FHIT: variants seen among roughly 807,000 people sequenced by gnomAD.
FHIT encodes bis(5'-adenosyl)-triphosphatase.
Under a neutral mutation model 17.9 loss-of-function variants are expected in FHIT, and 19 were observed. The ratio of observed to expected loss-of-function variants is 1.06; its 90% CI spans 0.74 to 1.56. FHIT has a LOEUF of 1.56. Ranked by LOEUF, FHIT falls within the 40% of genes most tolerant of loss-of-function variation. The probability of loss-of-function intolerance (pLI) is 0.00; values close to 1 mark genes in which losing one functional copy is unlikely to be tolerated. For synonymous variants in FHIT, 81 were observed against 69.7 expected, an observed-to-expected ratio of 1.16 and a Z score of -0.81; for missense variants, 248 against 189.2, an observed-to-expected ratio of 1.31 and a Z score of -1.82.
At chr3:59,906,645 C>T (rs1203936362) in intron 8 of FHIT, among the ~76,000 whole-genome samples, 1 of 152,144 alleles carries the variant, frequency 6.6e-6, no homozygotes, top group African/African-American at 2.4e-5. Context: ...CTATTGTTTT[C>T]GTATCTGATT....
intron 5 of FHIT, among the ~76,000 whole-genome samples, chr3:60,425,556 A>C (rs887210090): frequency 1.3e-5 from 2 of 152,092 alleles, no homozygotes; most frequent in Non-Finnish European, 2.9e-5. Context: ...GAAAATGAAG[A>C]TTTTAACACA....
Position 60,430,119 on chromosome 3 carries a change from G to A in FHIT, c.103+106741C>T, listed in dbSNP as rs1251241471. Among the ~76,000 whole-genome samples, 6 of 152,060 alleles carry A rather than the reference G, an allele frequency of 3.9e-5. No homozygotes were observed. The South Asian group carries it at 6.2e-4, about 16-fold the overall frequency. On this transcript the variant is annotated intron_variant, in intron 5 of 9. Coordinates refer to ENST00000492590, the MANE Select transcript of FHIT (RefSeq NM_002012.4). Reference sequence around the variant, plus strand: ...AAAATGAGACATATGGGGCAGAGCCGTCTTCTGACCTGCAGATTTGCAGTA... The same window carrying A: ...AAAATGAGACATATGGGGCAGAGCCATCTTCTGACCTGCAGATTTGCAGTA...
At chr3:60,400,453 C>G (rs1436559597) in intron 5 of FHIT, among the ~76,000 whole-genome samples, 5 of 152,124 alleles carry the variant, frequency 3.3e-5, no homozygotes, top group Admixed American at 1.3e-4. Context: ...TAATTACCCT[C>G]TTATCTCTAT....
intron 3 of FHIT, among the ~76,000 whole-genome samples, chr3:60,882,866 G>A (rs1559798851): frequency 6.6e-6 from 1 of 152,080 alleles, no homozygotes; most frequent in East Asian, 1.9e-4. Context: ...CCTAGCCAGA[G>A]CAATTAGGCA....
intron 1 of FHIT, among the ~76,000 whole-genome samples, chr3:61,215,690 A>G (rs938278030): frequency 6.6e-6 from 1 of 152,234 alleles, no homozygotes; most frequent in Non-Finnish European, 1.5e-5. Context: ...TCACCAAGTC[A>G]ATCCTAAGCC....
intron 5 of FHIT, among the ~76,000 whole-genome samples, chr3:60,254,511 A>G (rs916206072): frequency 6.6e-6 from 1 of 152,194 alleles, no homozygotes; most frequent in African/African-American, 2.4e-5. Flanking sequence ...AAAAAAATAC[A>G]TAATATAACT....
intron 8 of FHIT, among the ~76,000 whole-genome samples, chr3:59,885,347 C>T (rs1313708999): frequency 1.3e-5 from 2 of 151,922 alleles, no homozygotes; most frequent in African/African-American, 4.8e-5. Flanking sequence ...GTCCTCTCCA[C>T]TGAAGATAGT....
chr3:60,584,231 G>C (rs1327160300), intron 4 of FHIT, among the ~76,000 whole-genome samples: 11 of 152,036 alleles, frequency 7.2e-5, no homozygotes, highest in African/African-American at 2.7e-4. Flanking sequence ...ATTGGCCATG[G>C]TGGGAGCATC....
chr3:61,127,377 C>G (rs539077109), intron 2 of FHIT, among the ~76,000 whole-genome samples: 4 of 152,060 alleles, frequency 2.6e-5, no homozygotes, highest in African/African-American at 7.2e-5. Flanking sequence ...TATAAAAGAT[C>G]GATACAGGTG....
At chr3:61,226,514 C>T (rs1313928253) in intron 1 of FHIT, among the ~76,000 whole-genome samples, 1 of 152,010 alleles carries the variant, frequency 6.6e-6, no homozygotes, top group East Asian at 1.9e-4. Context: ...TGTGCTGAAG[C>T]AACTTGTTCC....
chr3:61,111,984 A>G (rs539121809), intron 2 of FHIT, among the ~76,000 whole-genome samples: 10 of 152,282 alleles, frequency 6.6e-5, no homozygotes, highest in Admixed American at 2.0e-4. Context: ...GCATGGGCAC[A>G]TTCAGTTTTT....
chr3:60,130,971 GTATA>G (rs762784517), intron 5 of FHIT, among the ~76,000 whole-genome samples: 69 of 105,862 alleles, frequency 6.5e-4, no homozygotes, highest in Middle Eastern at 6.0e-3. Flanking sequence ...CAGTAGAAAG[GTATA>G]TATATACACA....
intron 5 of FHIT, among the ~76,000 whole-genome samples, chr3:60,419,075 G>A (rs1702376627): frequency 6.6e-6 from 1 of 152,158 alleles, no homozygotes; most frequent in South Asian, 2.1e-4. Flanking sequence ...CCCAGTAACA[G>A]CAGAGCACAG....
At chr3:60,274,907 GAA>G (rs1207278505) in intron 5 of FHIT, among the ~76,000 whole-genome samples, 1 of 151,962 alleles carries the variant, frequency 6.6e-6, no homozygotes, top group Non-Finnish European at 1.5e-5. Context: ...TTGCTTTAGG[GAA>G]AAAAATTCTA....
chr3:60,398,482 G>T (rs1559882598), intron 5 of FHIT, among the ~76,000 whole-genome samples: 1 of 152,146 alleles, frequency 6.6e-6, no homozygotes, highest in East Asian at 1.9e-4. Context: ...CCTATCAAGT[G>T]TGACAGTTTA....
chr3:59,829,555 C>G (rs567845561), intron 8 of FHIT, among the ~76,000 whole-genome samples: 1 of 152,294 alleles, frequency 6.6e-6, no homozygotes, highest in East Asian at 1.9e-4. Flanking sequence ...CTTCACTATC[C>G]TTGCAGAGGA....
intron 5 of FHIT, among the ~76,000 whole-genome samples, chr3:60,259,141 G>A (rs1027513359): frequency 5.3e-5 from 8 of 151,872 alleles, no homozygotes; most frequent in Non-Finnish European, 8.8e-5. Flanking sequence ...AGTTATAGCC[G>A]TCAAAACTAC....
chr3:61,248,925 G>C (rs1256282792), intron 1 of FHIT, among the ~76,000 whole-genome samples: 2 of 152,216 alleles, frequency 1.3e-5, no homozygotes, highest in African/African-American at 4.8e-5. Flanking sequence ...ATAAGAGTTA[G>C]ATTAGATTAT....
At chr3:60,506,755 G>A (rs1456989668) in intron 5 of FHIT, among the ~76,000 whole-genome samples, 1 of 151,872 alleles carries the variant, frequency 6.6e-6, no homozygotes, top group African/African-American at 2.4e-5. Flanking sequence ...TGCGTAAATG[G>A]AATGAGAAGA....
Sources: gnomAD v4.1 joint callset for allele counts (sites outside exome capture counted in the v4.1 genomes callset) on GRCh38, gnomAD v4.1.1 for gene constraint, MANE v1.5 for transcripts, NCBI Gene and HGNC (gene_info 2026-07-23, HGNC 2026-07-21) for gene names.